Variants in TRIM71 observed in about 807,000 individuals in gnomAD.
TRIM71 encodes tripartite motif containing 71, also known as E3 ubiquitin-protein ligase TRIM71.
TRIM71 carries 9 observed loss-of-function variants against 61.2 expected under a neutral mutation model. That is an observed-to-expected ratio of 0.15 (90% CI 0.09 to 0.26). The LOEUF (loss-of-function observed/expected upper bound fraction) is 0.26, where lower values mean the gene tolerates loss of function less well. Ranked by LOEUF, TRIM71 falls within the 10% of genes least tolerant of loss-of-function variation. TRIM71 has a pLI of 1.00. For missense variants in TRIM71, 998 were observed against 1,238.7 expected, an observed-to-expected ratio of 0.81 and a Z score of 2.92; for synonymous variants, 645 against 553.2, an observed-to-expected ratio of 1.17 and a Z score of -2.33.
chr3:32,850,529 G>A (rs1185811085), intron 1 of TRIM71, among the ~76,000 whole-genome samples: 1 of 152,186 alleles, frequency 6.6e-6, no homozygotes, highest in African/African-American at 2.4e-5. Flanking sequence ...AATGGAAATT[G>A]TCAGATTGTC....
In TRIM71 at chr3:32,818,107, C is replaced by T. The variant is rs367928523; in HGVS notation, c.27C>T (p.Phe9=). MASFPETD[F]QICLLCKEMC... ...TGGCTTCGTTCCCCGAGACCGATTT[C>T]CAGATCTGCTTGCTGTGCAAGGAGA... The change falls in exon 1 of 4, where the codon TTC becomes TTT. Residue 9 remains phenylalanine (F), a synonymous_variant. Coordinates refer to ENST00000383763, the MANE Select transcript of TRIM71 (RefSeq NM_001039111.3). The T allele has an allele frequency of 2.5e-6, 4 of 1,610,976 alleles. No individual in the cohort carries two copies. Among genetic ancestry groups the T allele is most frequent in the Middle Eastern group, 1.7e-4 (1 of 6,052 alleles).
intron 1 of TRIM71, among the ~76,000 whole-genome samples, chr3:32,824,344 A>AT (rs1223973078): frequency 6.7e-6 from 1 of 148,772 alleles, no homozygotes; most frequent in Non-Finnish European, 1.5e-5. Context: ...TGTCCGGCTA[A>AT]TTTTTTTTCT....
chr3:32,838,915 G>A (rs574488897), intron 1 of TRIM71, among the ~76,000 whole-genome samples: 8 of 148,862 alleles, frequency 5.4e-5, no homozygotes, highest in South Asian at 2.1e-4. Context: ...ATTCTCCTGC[G>A]TCAGCCTCCT....
intron 1 of TRIM71, among the ~76,000 whole-genome samples, chr3:32,831,216 T>TA (rs1696266942): frequency 6.6e-6 from 1 of 152,072 alleles, no homozygotes; most frequent in East Asian, 1.9e-4. Context: ...AGCTTCTTGG[T>TA]ATAGGTAAGA....
At chr3:32,877,143 G>A (rs776303460) in intron 2 of TRIM71, among the ~76,000 whole-genome samples, 23 of 152,042 alleles carry the variant, frequency 1.5e-4, no homozygotes, top group Non-Finnish European at 2.5e-4. Flanking sequence ...TTGCTCTATC[G>A]CCCAGGCTGG....
chr3:32,826,094 G>C (rs1476048064), intron 1 of TRIM71, among the ~76,000 whole-genome samples: 1 of 152,154 alleles, frequency 6.6e-6, no homozygotes, highest in Non-Finnish European at 1.5e-5. Flanking sequence ...TCATGCTGTA[G>C]ATAAATGCAG....
intron 1 of TRIM71, among the ~76,000 whole-genome samples, chr3:32,868,029 G>T (rs1266775801): frequency 1.3e-5 from 2 of 152,128 alleles, no homozygotes; most frequent in Non-Finnish European, 2.9e-5. Flanking sequence ...AGACGCTGCT[G>T]AGACTGCCAG....
chr3:32,831,308 TTTCTGACCG>T (rs67934470), intron 1 of TRIM71, among the ~76,000 whole-genome samples: 24,125 of 152,024 alleles, frequency 0.16, 2,247 homozygotes, highest in Middle Eastern at 0.3. Flanking sequence ...ACTGACTTGA[TTTCTGACCG>T]TTAAGATGGG....
chr3:32,886,214 A>AGAT (rs891000002), intron 3 of TRIM71, 146 bp downstream of exon 3: 3 of 1,143,408 alleles, frequency 2.6e-6, no homozygotes, highest in Non-Finnish European at 3.5e-6. Context: ...GTTAGCAGAA[A>AGAT]GATGCAGGGG....
intron 1 of TRIM71, among the ~76,000 whole-genome samples, chr3:32,834,226 C>T (rs370404868): frequency 4.6e-5 from 7 of 152,116 alleles, no homozygotes; most frequent in Non-Finnish European, 8.8e-5. Flanking sequence ...GTGTTTGTTA[C>T]GGTTATAAAT....
At chr3:32,857,087 C>T (rs952597521) in intron 1 of TRIM71, among the ~76,000 whole-genome samples, 10 of 152,220 alleles carry the variant, frequency 6.6e-5, no homozygotes, top group African/African-American at 2.4e-4. Flanking sequence ...GTGGCTGGAA[C>T]AATCACTAAC....
In TRIM71 at chr3:32,890,903, T is replaced by G. The variant is rs758533893; in HGVS notation, c.1699T>G (p.Cys567Gly). ...EGEHLVSVTLCNQHIENSPFK... is the reference protein window; with the variant it reads ...EGEHLVSVTLGNQHIENSPFK... ...TGAGCACCTGGTATCTGTGACACTGTGCAACCAGCACATTGAGAACAGCCC... is the reference window on the plus strand; with the variant it reads ...TGAGCACCTGGTATCTGTGACACTGGGCAACCAGCACATTGAGAACAGCCC... Residue 567 changes from cysteine (C) to glycine (G), a missense_variant, in exon 4 of 4, where the codon TGC (cysteine) becomes GGC (glycine). Coordinates refer to ENST00000383763, the MANE Select transcript of TRIM71 (RefSeq NM_001039111.3). This position sits in a 1 kb window ranked among gnomAD's most constrained non-coding sequence, Gnocchi z 6.2. 17 of 1,614,226 alleles carry G rather than the reference T, an allele frequency of 1.1e-5. No individual in the cohort carries two copies. In the East Asian group the frequency reaches 3.8e-4, roughly 36 times the overall value.
chr3:32,840,506 C>G (rs1423371865), intron 1 of TRIM71, among the ~76,000 whole-genome samples: 1 of 152,160 alleles, frequency 6.6e-6, no homozygotes, highest in Non-Finnish European at 1.5e-5. Context: ...TGTTTAGAGA[C>G]AAAGCCCCGA....
intron 1 of TRIM71, among the ~76,000 whole-genome samples, chr3:32,869,772 A>G (rs1575354911): frequency 6.6e-6 from 1 of 152,022 alleles, no homozygotes; most frequent in Admixed American, 6.6e-5. Flanking sequence ...GAGGAAGGCA[A>G]TGGGTGGGAC....
At position 32,818,248 on chromosome 3, in the gene TRIM71, A is replaced by G. The variant is rs755012755; in HGVS notation, c.168A>G (p.Leu56=). 1 of 1,484,914 alleles carries G rather than the reference A, an allele frequency of 6.7e-7. No individual in the cohort carries two copies. The highest frequency in any genetic ancestry group is 1.3e-5 in the South Asian group (1 of 76,598). 92.0% of individuals were successfully genotyped at this position (1,484,914 alleles called of 1,614,324 possible). A position where few individuals can be genotyped will look rare whatever the true frequency, so the allele number is the denominator to read the frequency against. Residue 56 remains leucine (L), a synonymous_variant, in exon 1 of 4, where the codon CTA becomes CTG. Coordinates refer to ENST00000383763, the MANE Select transcript of TRIM71 (RefSeq NM_001039111.3). The part of the protein sequence containing the change: ...GGGPGAAARR[L]HVLPCLHAFC... ...GCCCTGGGGCGGCGGCGCGCCGCCT[A>G]CACGTCCTGCCCTGCCTGCACGCCT...
chr3:32,883,451 T>G (rs1696929987), intron 2 of TRIM71, among the ~76,000 whole-genome samples: 1 of 152,260 alleles, frequency 6.6e-6, no homozygotes, highest in South Asian at 2.1e-4. Flanking sequence ...TTTTGGCAGT[T>G]GCCAGCATCC....
In TRIM71 at chr3:32,818,125, C is replaced by T. The variant is rs767447044; in HGVS notation, c.45C>T (p.Cys15=). The T allele has an allele frequency of 3.7e-5, 59 of 1,612,142 alleles. No homozygotes were observed. The highest frequency in any genetic ancestry group is 5.0e-5 in the Admixed American group (3 of 59,954). The change falls in exon 1 of 4, where the codon TGC becomes TGT. Residue 15 remains cysteine, a synonymous_variant. Transcript: ENST00000383763. ...CCGATTTCCAGATCTGCTTGCTGTG[C>T]AAGGAGATGTGCGGCTCGCCGGCGC... ...PETDFQICLL[C]KEMCGSPAPL... is the part of the protein sequence containing the mutation.
In TRIM71 at chr3:32,891,935, CTTTTTTT is replaced by C. The variant is rs373753231; in HGVS notation, c.*130_*136del. 1 of 1,077,658 alleles carries C rather than the reference CTTTTTTT, an allele frequency of 9.3e-7. No homozygotes were observed. Among genetic ancestry groups the C allele is most frequent in the East Asian group, 3.3e-5 (1 of 29,964 alleles). The allele number at this position is 1,077,658 out of a possible 1,614,324, so 66.8% of individuals were successfully genotyped here. On this transcript the variant is annotated 3_prime_UTR_variant, in exon 4 of 4. Transcript: ENST00000383763. This position sits in a 1 kb window ranked among gnomAD's most constrained non-coding sequence, Gnocchi z 8.2. ...ACAGTCTCAGGGAAATTTCTTTTTT[CTTTTTTT>C]TTTTTAAAGAGAACAAGAAAAGTAC...
intron 1 of TRIM71, among the ~76,000 whole-genome samples, chr3:32,822,876 T>C (rs767567455): frequency 7.9e-4 from 121 of 152,236 alleles, no homozygotes; most frequent in Non-Finnish European, 1.6e-3. Flanking sequence ...TTTGAGAATT[T>C]CTACAAGAAA....
Sources: allele counts gnomAD v4.1 joint callset (sites outside exome capture counted in the v4.1 genomes callset), GRCh38; gene constraint gnomAD v4.1.1; non-coding constraint Gnocchi (gnomAD v3.1); transcripts MANE v1.5; gene names NCBI Gene and HGNC (gene_info 2026-07-23, HGNC 2026-07-21).